ATP5F1A: variants seen among roughly 807,000 people sequenced by gnomAD.
The protein encoded by ATP5F1A is ATP synthase F1 subunit alpha.
A neutral mutation model predicts 57.4 loss-of-function variants in ATP5F1A; 24 were observed. The ratio of observed to expected loss-of-function variants is 0.42; its 90% CI spans 0.30 to 0.59. The LOEUF is 0.59. ATP5F1A is among the 20% of genes least tolerant of loss of function. The probability of loss-of-function intolerance (pLI) is 0.19; values close to 1 mark genes in which losing one functional copy is unlikely to be tolerated. For synonymous variants in ATP5F1A, 251 were observed against 255.5 expected (o/e 0.98, Z 0.17); for missense variants, 494 against 707.9 (o/e 0.70, Z 3.43).
At position 46,084,606 on chromosome 18, in the gene ATP5F1A, C is replaced by A; in HGVS notation, c.1478G>T (p.Arg493Met). 1 of 1,609,258 alleles carries A rather than the reference C, an allele frequency of 6.2e-7. No individual in the cohort carries two copies. Among genetic ancestry groups the A allele is most frequent in the Middle Eastern group, 1.7e-4 (1 of 6,040 alleles). ...EQVAVIYAGVRGYLDKLEPSK... is the reference protein window; with the variant it reads ...EQVAVIYAGVMGYLDKLEPSK... ...GGGCTCCAGTTTATCAAGATATCCC[C>A]TTACACCCGCATAGATAACAGCCAC... is the stretch of plus-strand genomic sequence containing the variant. The change falls in exon 11 of 12, where the codon AGG (arginine) becomes ATG (methionine). Residue 493 changes from arginine (R) to methionine (M), a missense_variant. Coordinates refer to ENST00000398752, the MANE Select transcript of ATP5F1A (RefSeq NM_004046.6).
Position 46,083,201 on chromosome 18 carries a change from A to T in ATP5F1A, c.*1081T>A, listed in dbSNP as rs1909860331. ...ACACCTGTAATCCCAGCACTTTGGG[A>T]GACCAAGGCAGGAGGATCACTTGAG... On this transcript the variant is annotated 3_prime_UTR_variant, in exon 12 of 12. Transcript: ENST00000398752. The T allele has an allele frequency of 1.3e-5, 2 of 152,358 alleles. No homozygotes were observed. The highest frequency in any genetic ancestry group is 4.1e-4 in the South Asian group (2 of 4,834). The allele number at this position is 152,358 out of a possible 1,614,324, so 9.4% of individuals were successfully genotyped here. A position where few individuals can be genotyped will look rare whatever the true frequency, so the allele number is the denominator to read the frequency against.
intron 8 of ATP5F1A, chr18:46,086,790 T>A (rs931231999): frequency 3.2e-6 from 2 of 621,964 alleles, no homozygotes; most frequent in Non-Finnish European, 5.6e-6. Context: ...TGGTTAAAAA[T>A]GAAACTAGAA....
chr18:46,102,511 A>G (rs1568259081), upstream of ATP5F1A, among the ~76,000 whole-genome samples: 1 of 151,944 alleles, frequency 6.6e-6, no homozygotes. Context: ...TTTAGTAGAG[A>G]TGGGGTTTTG....
intron 2 of ATP5F1A, 173 bp from the exon 3 acceptor site, chr18:46,092,024 A>T: frequency 2.2e-6 from 1 of 455,556 alleles, no homozygotes; most frequent in African/African-American, 2.0e-5. Context: ...ATACAAAATT[A>T]GCTGGGCATG....
chr18:46,083,399 C>A lies in ATP5F1A; in HGVS notation c.*883G>T, dbSNP rs1039438784. ...AAGCTGCAGTGAGCTGAGATCACAC[C>A]ACTGTACTCCAGCCTGGGTGAGAGA... On this transcript the variant is annotated 3_prime_UTR_variant, in exon 12 of 12. Coordinates refer to ENST00000398752, the MANE Select transcript of ATP5F1A (RefSeq NM_004046.6). 6.6e-6 allele frequency: 1 copy of A among 152,308 alleles called. No individual in the cohort carries two copies. Among genetic ancestry groups the A allele is most frequent in the African/African-American group, 2.4e-5 (1 of 41,452 alleles). 9.4% of individuals were successfully genotyped at this position (152,308 alleles called of 1,614,324 possible). A position where few individuals can be genotyped will look rare whatever the true frequency, so the allele number is the denominator to read the frequency against.
intron 6 of ATP5F1A, 37 bp from the exon 7 acceptor site, chr18:46,087,529 G>T: frequency 6.3e-7 from 1 of 1,598,860 alleles, no homozygotes; most frequent in Non-Finnish European, 8.5e-7. Flanking sequence ...TCAATATTGT[G>T]GTTTTAAATT....
At chr18:46,096,168 C>T (rs1238572194) in intron 1 of ATP5F1A, among the ~76,000 whole-genome samples, 1 of 151,304 alleles carries the variant, frequency 6.6e-6, no homozygotes, top group African/African-American at 2.4e-5. Flanking sequence ...GAATTACAGA[C>T]GTCAGCCACT....
At chr18:46,098,516 G>T, upstream of ATP5F1A, 1 of 716,800 alleles carries the variant, frequency 1.4e-6, no homozygotes, top group Non-Finnish European at 1.7e-6. Context: ...TTGGTCTTTT[G>T]AGTCGACCTT....
chr18:46,101,879 G>GAA (rs34615241), upstream of ATP5F1A, among the ~76,000 whole-genome samples: 27 of 114,364 alleles, frequency 2.4e-4, no homozygotes, highest in East Asian at 7.5e-4. Flanking sequence ...GATTCTGTCT[G>GAA]AAAAAAAAAA....
chr18:46,093,483 G>A (rs1668964769), intron 2 of ATP5F1A: 1 of 152,154 alleles, frequency 6.6e-6, no homozygotes, highest in South Asian at 2.1e-4. Flanking sequence ...AGGGTCCAGT[G>A]AGCCAAGACT....
intron 2 of ATP5F1A, among the ~76,000 whole-genome samples, chr18:46,094,536 G>A (rs1910804108): frequency 6.6e-6 from 1 of 152,064 alleles, no homozygotes. Context: ...GCATGGTGGT[G>A]CATGCCTGTA....
chr18:46,101,425 G>A (rs997288075), upstream of ATP5F1A, among the ~76,000 whole-genome samples: 3 of 151,940 alleles, frequency 2.0e-5, no homozygotes, highest in African/African-American at 7.3e-5. Flanking sequence ...ATTAGCTGGG[G>A]GTGGTGGTGC....
chr18:46,090,800 T>C (rs778091990), intron 3 of ATP5F1A, among the ~76,000 whole-genome samples: 2 of 152,212 alleles, frequency 1.3e-5, no homozygotes, highest in African/African-American at 2.4e-5. Context: ...ACATGATTAA[T>C]AGTGATAGTA....
intron 4 of ATP5F1A, 31 bp downstream of exon 4, chr18:46,089,792 T>C: frequency 6.2e-7 from 1 of 1,609,704 alleles, no homozygotes; most frequent in South Asian, 1.1e-5. Flanking sequence ...TGTTAGAAGC[T>C]GCAACTATAT....
intron 5 of ATP5F1A, 35 bp downstream of exon 5, chr18:46,089,531 T>G: frequency 6.2e-7 from 1 of 1,608,534 alleles, no homozygotes; most frequent in Non-Finnish European, 8.5e-7. Flanking sequence ...GAGCAAATTT[T>G]AGTTAGAACT....
At chr18:46,096,561 C>G (rs1910972608) in intron 1 of ATP5F1A, among the ~76,000 whole-genome samples, 1 of 149,866 alleles carries the variant, frequency 6.7e-6, no homozygotes, top group Non-Finnish European at 1.5e-5. Flanking sequence ...TTAAAGGTAC[C>G]CAATTTTTAT....
chr18:46,081,683 A>ACAAAC lies in ATP5F1A; in HGVS notation c.*2598_*2599insGTTTG, dbSNP rs775786976. ...CTCAAAAAAAAAAAACAAAAAAAAA[A>ACAAAC]AAAAAAAAAAAAAACGAAATGTGCA... On this transcript the variant is annotated 3_prime_UTR_variant, in exon 12 of 12. Coordinates refer to ENST00000398752, the MANE Select transcript of ATP5F1A (RefSeq NM_004046.6). 1.5e-4 allele frequency: 10 copies of ACAAAC among 67,020 alleles called. No individual in the cohort carries two copies. The highest frequency in any genetic ancestry group is 2.2e-4 in the Non-Finnish European group (6 of 27,564). The allele number at this position is 67,020 out of a possible 1,614,324, so 4.2% of individuals were successfully genotyped here.
chr18:46,098,362 A>AC (rs1315521643), upstream of ATP5F1A: 47 of 1,287,074 alleles, frequency 3.7e-5, no homozygotes, highest in African/African-American at 2.1e-4. Context: ...CCTCGCGTTC[A>AC]CCACCTCTCC....
chr18:46,097,078 T>C (rs1911021816), intron 1 of ATP5F1A, among the ~76,000 whole-genome samples: 1 of 151,962 alleles, frequency 6.6e-6, no homozygotes, highest in African/African-American at 2.4e-5. Context: ...GGACTTATTT[T>C]ACTCTCTCAA....
Sources: allele counts gnomAD v4.1 joint callset (sites outside exome capture counted in the v4.1 genomes callset), GRCh38; gene constraint gnomAD v4.1.1; transcripts MANE v1.5; gene names NCBI Gene and HGNC (gene_info 2026-07-23, HGNC 2026-07-21).